AUTS2: variants seen among roughly 807,000 people sequenced by gnomAD.
The protein encoded by AUTS2 is autism susceptibility gene 2 protein.
A neutral mutation model predicts 112.4 loss-of-function variants in AUTS2; 17 were observed. That is an observed-to-expected ratio of 0.15 (90% CI 0.10 to 0.23). AUTS2 has a LOEUF of 0.23. Among genes scored for constraint, AUTS2 ranks in the 10% least tolerant of loss-of-function variants. The pLI is 1.00. For missense variants in AUTS2, 1,510 were observed against 1,701.6 expected, an observed-to-expected ratio of 0.89 and a Z score of 1.98; for synonymous variants, 751 against 702.7, an observed-to-expected ratio of 1.07 and a Z score of -1.09.
chr7:69,748,853 T>A (rs1352299517), intron 1 of AUTS2, among the ~76,000 whole-genome samples: 1 of 152,116 alleles, frequency 6.6e-6, no homozygotes, highest in African/African-American at 2.4e-5. Flanking sequence ...TCTTGTCAAG[T>A]TTAGTTTCAA....
At chr7:69,762,682 A>C (rs967064191) in intron 1 of AUTS2, among the ~76,000 whole-genome samples, 3 of 152,178 alleles carry the variant, frequency 2.0e-5, no homozygotes, top group Non-Finnish European at 4.4e-5. Context: ...TATTAAATCA[A>C]ACAATCAGTT....
At chr7:70,359,747 T>G (rs1481382829) in intron 4 of AUTS2, among the ~76,000 whole-genome samples, 1 of 152,156 alleles carries the variant, frequency 6.6e-6, no homozygotes, top group Non-Finnish European at 1.5e-5. Context: ...GGATTAAATT[T>G]CCACGTGAGT....
chr7:70,014,319 G>C (rs577748442), intron 2 of AUTS2, among the ~76,000 whole-genome samples: 13 of 152,134 alleles, frequency 8.5e-5, no homozygotes, highest in African/African-American at 1.2e-4. Context: ...TAATTAGACA[G>C]ATTAAAAAGG....
intron 6 of AUTS2, among the ~76,000 whole-genome samples, chr7:70,728,156 G>A (rs1019626607): frequency 5.4e-5 from 8 of 147,280 alleles, no homozygotes; most frequent in African/African-American, 1.5e-4. Flanking sequence ...GAAGCACATC[G>A]CTTATAGAAA....
At chr7:69,957,037 CTTTTTGTTCTTTCTTTTTTTT>C (rs1797240666) in intron 2 of AUTS2, among the ~76,000 whole-genome samples, 1 of 148,482 alleles carries the variant, frequency 6.7e-6, no homozygotes. Context: ...TAAGTTTTTT[CTTTTTGTTCTTTCTTTTTTTT>C]TTTTTTTTTG....
chr7:69,828,237 G>A (rs1436308329), intron 1 of AUTS2, among the ~76,000 whole-genome samples: 1 of 152,202 alleles, frequency 6.6e-6, no homozygotes, highest in Non-Finnish European at 1.5e-5. Context: ...GGAAGGTCCA[G>A]GTCTGGCTGG....
intron 2 of AUTS2, among the ~76,000 whole-genome samples, chr7:69,981,563 A>T (rs1162586994): frequency 6.6e-6 from 1 of 152,142 alleles, no homozygotes; most frequent in Non-Finnish European, 1.5e-5. Flanking sequence ...TCTTGCCAAC[A>T]ATTTTTATAT....
chr7:70,185,192 G>C (rs1348721768), intron 4 of AUTS2, among the ~76,000 whole-genome samples: 1 of 150,924 alleles, frequency 6.6e-6, no homozygotes, highest in African/African-American at 2.4e-5. Context: ...CTTATCCATT[G>C]GGGATAGCAA....
At chr7:70,553,915 G>A (rs758924535) in intron 5 of AUTS2, among the ~76,000 whole-genome samples, 42 of 149,284 alleles carry the variant, frequency 2.8e-4, no homozygotes, top group Non-Finnish European at 5.6e-4. Context: ...TTACAGGCAC[G>A]CGCCACCACA....
intron 1 of AUTS2, among the ~76,000 whole-genome samples, chr7:69,828,284 G>C (rs907615084): frequency 6.6e-6 from 1 of 152,168 alleles, no homozygotes; most frequent in Non-Finnish European, 1.5e-5. Flanking sequence ...GGCACTTCTA[G>C]AAAACGTTTC....
At chr7:70,490,968 G>A (rs571056828) in intron 5 of AUTS2, among the ~76,000 whole-genome samples, 1 of 152,308 alleles carries the variant, frequency 6.6e-6, no homozygotes, top group African/African-American at 2.4e-5. Context: ...AGCCTGCCAT[G>A]GCTTATTCCA....
intron 4 of AUTS2, among the ~76,000 whole-genome samples, chr7:70,409,354 T>C (rs1198858858): frequency 6.6e-6 from 1 of 152,206 alleles, no homozygotes; most frequent in Non-Finnish European, 1.5e-5. Flanking sequence ...TGTGTGTGTG[T>C]GTATTTATGT....
At chr7:70,214,425 C>A (rs1026806051) in intron 4 of AUTS2, among the ~76,000 whole-genome samples, 3 of 152,080 alleles carry the variant, frequency 2.0e-5, no homozygotes, top group Admixed American at 2.0e-4. Context: ...CATTCATTTT[C>A]AACTTAGCTT....
At chr7:70,254,631 GCTA>G (rs1786764027) in intron 4 of AUTS2, among the ~76,000 whole-genome samples, 1 of 152,172 alleles carries the variant, frequency 6.6e-6, no homozygotes, top group South Asian at 2.1e-4. Context: ...TGCTTCAAAA[GCTA>G]CTGTTTCTAT....
At chr7:70,439,442 G>A (rs1284132264) in intron 5 of AUTS2, among the ~76,000 whole-genome samples, 1 of 151,846 alleles carries the variant, frequency 6.6e-6, no homozygotes, top group Non-Finnish European at 1.5e-5. Context: ...GGGAGGCTGA[G>A]GCAGGGGAAT....
intron 5 of AUTS2, among the ~76,000 whole-genome samples, chr7:70,470,546 A>G (rs1797338818): frequency 6.6e-6 from 1 of 152,236 alleles, no homozygotes; most frequent in Admixed American, 6.5e-5. Flanking sequence ...AACGCTATCT[A>G]AACATGGACT....
At chr7:70,209,603 G>A (rs1328181738) in intron 4 of AUTS2, among the ~76,000 whole-genome samples, 12 of 152,168 alleles carry the variant, frequency 7.9e-5, no homozygotes, top group Admixed American at 7.9e-4. Context: ...TGAAGGAGAT[G>A]AAGAAGGAGA....
At chr7:69,711,583 G>C (rs1459357234) in intron 1 of AUTS2, among the ~76,000 whole-genome samples, 1 of 152,260 alleles carries the variant, frequency 6.6e-6, no homozygotes, top group Non-Finnish European at 1.5e-5. Flanking sequence ...TTGTGGGTCT[G>C]AGGACATTTG....
intron 2 of AUTS2, among the ~76,000 whole-genome samples, chr7:70,079,618 A>G (rs1165242119): frequency 6.6e-6 from 1 of 152,160 alleles, no homozygotes; most frequent in Admixed American, 6.6e-5. Context: ...ACTAATATCC[A>G]TGACCTTGAG....
Sources: gnomAD v4.1 joint callset for allele counts (sites outside exome capture counted in the v4.1 genomes callset) on GRCh38, gnomAD v4.1.1 for gene constraint, MANE v1.5 for transcripts, NCBI Gene and HGNC (gene_info 2026-07-23, HGNC 2026-07-21) for gene names.